The following CDH12 variants were observed in gnomAD, a reference collection of about 807,000 sequenced individuals.
The protein encoded by CDH12 is cadherin-12.
In CDH12, 41 loss-of-function variants were observed where a neutral mutation model predicts 74.1. The observed-to-expected ratio is 0.55, with a 90% CI of 0.43 to 0.72. The LOEUF (loss-of-function observed/expected upper bound fraction) is 0.72. Among genes scored for constraint, CDH12 ranks in the 30% least tolerant of loss-of-function variants. CDH12 has a pLI of 0.00. For synonymous variants in CDH12, 399 were observed against 355.0 expected, an observed-to-expected ratio of 1.12 and a Z score of -1.39; for missense variants, 945 against 977.2, an observed-to-expected ratio of 0.97 and a Z score of 0.44.
At chr5:22,402,242 A>G (rs1325731213) in intron 3 of CDH12, among the ~76,000 whole-genome samples, 1 of 152,188 alleles carries the variant, frequency 6.6e-6, no homozygotes, top group Non-Finnish European at 1.5e-5. Context: ...CATGAATATT[A>G]AGACTATTGT....
At chr5:22,124,769 A>AT (rs1745748120) in intron 4 of CDH12, among the ~76,000 whole-genome samples, 1 of 152,088 alleles carries the variant, frequency 6.6e-6, no homozygotes, top group Admixed American at 6.6e-5. Flanking sequence ...GTATGGAGGC[A>AT]TTTTTTATTT....
At chr5:22,211,004 C>T (rs1403975831) in intron 4 of CDH12, among the ~76,000 whole-genome samples, 1 of 152,210 alleles carries the variant, frequency 6.6e-6, no homozygotes, top group African/African-American at 2.4e-5. Flanking sequence ...TACAAACATA[C>T]TGGTAGCCAA....
At chr5:22,310,151 A>C (rs2150427533) in intron 3 of CDH12, among the ~76,000 whole-genome samples, 2 of 152,012 alleles carry the variant, frequency 1.3e-5, no homozygotes, top group Middle Eastern at 6.8e-3. Flanking sequence ...AAGTATAATA[A>C]AAAACAACAA....
intron 6 of CDH12, among the ~76,000 whole-genome samples, chr5:21,897,881 C>T (rs1211861750): frequency 2.6e-5 from 4 of 152,084 alleles, no homozygotes; most frequent in African/African-American, 9.7e-5. Flanking sequence ...AAGGCTTCTA[C>T]ACTGTAATTA....
intron 8 of CDH12, among the ~76,000 whole-genome samples, chr5:21,837,208 T>A (rs144286460): frequency 2.6e-5 from 4 of 152,158 alleles, no homozygotes; most frequent in Non-Finnish European, 4.4e-5. Context: ...TTAGTCTAGA[T>A]CCTCATCACA....
chr5:22,529,188 T>TATAGAG (rs1395904979), intron 1 of CDH12, among the ~76,000 whole-genome samples: 23 of 84,534 alleles, frequency 2.7e-4, no homozygotes, highest in South Asian at 4.2e-4. Context: ...TATATATATA[T>TATAGAG]AGAGAGAGAG....
At chr5:22,238,399 A>G (rs1488392745) in intron 3 of CDH12, among the ~76,000 whole-genome samples, 1 of 152,190 alleles carries the variant, frequency 6.6e-6, no homozygotes, top group Non-Finnish European at 1.5e-5. Context: ...TAAGAACTCA[A>G]ATGGATAATG....
At chr5:21,826,571 T>C (rs1338655565) in intron 8 of CDH12, among the ~76,000 whole-genome samples, 2 of 152,188 alleles carry the variant, frequency 1.3e-5, no homozygotes, top group South Asian at 2.1e-4. Flanking sequence ...CTGAGGTGTC[T>C]TTCCATTCTG....
intron 7 of CDH12, among the ~76,000 whole-genome samples, chr5:21,854,315 G>C (rs1750636646): frequency 6.6e-6 from 1 of 151,558 alleles, no homozygotes; most frequent in Non-Finnish European, 1.5e-5. Context: ...TATTGTTAAA[G>C]CCCAAAACTA....
chr5:22,766,028 C>T (rs975163099), intron 1 of CDH12, among the ~76,000 whole-genome samples: 1 of 151,726 alleles, frequency 6.6e-6, no homozygotes, highest in East Asian at 1.9e-4. Flanking sequence ...TGAAAAAGTG[C>T]TAAATCTCAT....
At position 22,395,499 on chromosome 5, in the gene CDH12, A is replaced by G. The variant is rs139223126; in HGVS notation, c.-333+9758T>C. Among the ~76,000 whole-genome samples the G allele has an allele frequency of 2.6e-5, 4 of 152,214 alleles. No individual in the cohort carries two copies. In the East Asian group the frequency reaches 7.7e-4, roughly 29 times the overall value. On this transcript the variant is annotated intron_variant, in intron 3 of 14. Coordinates refer to ENST00000382254, the MANE Select transcript of CDH12 (RefSeq NM_004061.5). ...CAGAAAACTCATACCCTTTAATACA[A>G]TCCTCTCACATTTAACCTGATATTA...
intron 11 of CDH12, among the ~76,000 whole-genome samples, chr5:21,773,788 A>T (rs533114658): frequency 6.6e-6 from 1 of 152,172 alleles, no homozygotes; most frequent in African/African-American, 2.4e-5. Flanking sequence ...ACATGTATAC[A>T]GTTGTACTAA....
chr5:22,117,477 ATTAT>A (rs1355888673), intron 4 of CDH12, among the ~76,000 whole-genome samples: 2 of 52,886 alleles, frequency 3.8e-5, no homozygotes, highest in African/African-American at 1.4e-4. Context: ...TAATATATAT[ATTAT>A]ATATATATTA....
chr5:21,765,236 G>A, intron 11 of CDH12, 137 bp from the exon 12 acceptor site: 1 of 616,432 alleles, frequency 1.6e-6, no homozygotes, highest in Non-Finnish European at 2.5e-6. Flanking sequence ...GAAATCCTGG[G>A]GGTTCCAACT....
intron 4 of CDH12, among the ~76,000 whole-genome samples, chr5:22,086,640 A>G (rs1203937671): frequency 2.0e-5 from 3 of 152,132 alleles, no homozygotes. Context: ...TACAGGCGTG[A>G]GCCACCGTGC....
At chr5:22,533,871 TAC>T (rs1561474178) in intron 1 of CDH12, among the ~76,000 whole-genome samples, 1 of 152,212 alleles carries the variant, frequency 6.6e-6, no homozygotes, top group African/African-American at 2.4e-5. Context: ...TTCAAAAATA[TAC>T]ACAGACATAA....
chr5:22,790,466 G>A (rs1561032835), intron 1 of CDH12, among the ~76,000 whole-genome samples: 1 of 152,026 alleles, frequency 6.6e-6, no homozygotes, highest in Non-Finnish European at 1.5e-5. Flanking sequence ...GTCCTTACAA[G>A]TTAGAAGGAT....
intron 6 of CDH12, among the ~76,000 whole-genome samples, chr5:21,961,671 A>T (rs1756371391): frequency 6.6e-6 from 1 of 152,160 alleles, no homozygotes; most frequent in Non-Finnish European, 1.5e-5. Flanking sequence ...GCCACCAGAA[A>T]GCACAACATA....
chr5:22,466,441 A>ATTGGGT lies in CDH12; in HGVS notation c.-428+38823_-428+38828dup, dbSNP rs1268141349. Among the ~76,000 whole-genome samples, 6 of 152,128 alleles carry ATTGGGT rather than the reference A, an allele frequency of 3.9e-5. No individual in the cohort carries two copies. The South Asian group carries it at 1.0e-3, about 26-fold the overall frequency. ...AGAGCAAAAAAGGTGAGTATGTATG[A>ATTGGGT]TTGGGTTTGGGTTTGTGTAAGTGTA... On this transcript the variant is annotated intron_variant, in intron 2 of 14. Transcript: ENST00000382254.
Sources: allele counts gnomAD v4.1 joint callset (sites outside exome capture counted in the v4.1 genomes callset), GRCh38; gene constraint gnomAD v4.1.1; transcripts MANE v1.5; gene names NCBI Gene and HGNC (gene_info 2026-07-23, HGNC 2026-07-21).